Variants in NAV2 observed in about 807,000 individuals in gnomAD.
NAV2 encodes the protein helicase, APC down-regulated 1.
In NAV2, 54 loss-of-function variants were observed where a neutral mutation model predicts 223.2. The observed-to-expected ratio is 0.24, with a 90% CI of 0.19 to 0.30. NAV2 has a LOEUF of 0.30. NAV2 is among the 10% of genes least tolerant of loss of function. The pLI is 1.00. For missense variants in NAV2, 2,806 were observed against 3,147.5 expected (o/e 0.89, Z 2.60); for synonymous variants, 1,279 against 1,239.3 (o/e 1.03, Z -0.67).
intron 5 of NAV2, among the ~76,000 whole-genome samples, chr11:19,890,999 C>G (rs2041457584): frequency 6.6e-6 from 1 of 152,186 alleles, no homozygotes; most frequent in African/African-American, 2.4e-5. Context: ...TCTCCCAGCT[C>G]CCAGTCAGGG....
chr11:20,009,474 T>C (rs1302540745), intron 11 of NAV2, among the ~76,000 whole-genome samples: 4 of 152,134 alleles, frequency 2.6e-5, no homozygotes, highest in African/African-American at 9.7e-5. Flanking sequence ...TTCCATGGGG[T>C]GGACATCATA....
chr11:19,712,832 A>T (rs561221001), upstream of NAV2, among the ~76,000 whole-genome samples: 3,833 of 151,460 alleles, frequency 0.025, 172 homozygotes, highest in African/African-American at 0.088. Context: ...CGCCGGCAGC[A>T]GCCTGTCCTC....
intron 6 of NAV2, among the ~76,000 whole-genome samples, chr11:19,920,593 A>T (rs1352134169): frequency 1.3e-5 from 2 of 152,178 alleles, no homozygotes; most frequent in African/African-American, 4.8e-5. Context: ...GGCTAAATGA[A>T]ATTATTTAAA....
upstream of NAV2, among the ~76,000 whole-genome samples, chr11:19,347,695 A>G (rs370803532): frequency 3.9e-5 from 6 of 152,302 alleles, no homozygotes; most frequent in East Asian, 5.8e-4. Context: ...CTTATGACAC[A>G]GAGAGGAGAA....
intron 1 of NAV2, among the ~76,000 whole-genome samples, chr11:19,623,486 ACTTCT>A (rs2047071088): frequency 6.6e-6 from 1 of 151,842 alleles, no homozygotes; most frequent in Admixed American, 6.6e-5. Flanking sequence ...TTTTCTCTAA[ACTTCT>A]CTTCTCACTT....
intron 11 of NAV2, among the ~76,000 whole-genome samples, chr11:19,989,527 C>T (rs2051123645): frequency 6.6e-6 from 1 of 152,034 alleles, no homozygotes; most frequent in African/African-American, 2.4e-5. Context: ...TTGTTTTTAG[C>T]TACTAAGTTT....
At chr11:19,649,245 T>C (rs1340572031) in intron 1 of NAV2, among the ~76,000 whole-genome samples, 1 of 152,262 alleles carries the variant, frequency 6.6e-6, no homozygotes, top group Non-Finnish European at 1.5e-5. Flanking sequence ...TATTTGCATC[T>C]GGTTAGTGGG....
chr11:19,704,603 G>A (rs563229760), intron 1 of NAV2, among the ~76,000 whole-genome samples: 9 of 152,328 alleles, frequency 5.9e-5, no homozygotes, highest in African/African-American at 2.2e-4. Flanking sequence ...AATCATGTAT[G>A]TAAAATGCTT....
At chr11:19,958,184 G>A (rs1036898024) in intron 10 of NAV2, among the ~76,000 whole-genome samples, 1 of 152,212 alleles carries the variant, frequency 6.6e-6, no homozygotes, top group Non-Finnish European at 1.5e-5. Context: ...AAAGCACAGG[G>A]TCTTCTGGCC....
At chr11:19,896,110 A>C (rs2041963875) in intron 6 of NAV2, among the ~76,000 whole-genome samples, 1 of 152,098 alleles carries the variant, frequency 6.6e-6, no homozygotes, top group African/African-American at 2.4e-5. Context: ...TCAGACTCTG[A>C]CTGTGTCAGG....
At chr11:19,945,407 C>G (rs1286488380) in intron 8 of NAV2, among the ~76,000 whole-genome samples, 3 of 151,624 alleles carry the variant, frequency 2.0e-5, no homozygotes, top group African/African-American at 7.3e-5. Context: ...TCCCTTCACT[C>G]TCTGTTACCC....
intron 19 of NAV2, among the ~76,000 whole-genome samples, chr11:20,060,254 GC>G (rs1198318040): frequency 6.6e-6 from 1 of 152,266 alleles, no homozygotes; most frequent in African/African-American, 2.4e-5. Flanking sequence ...GGCCAGTCAT[GC>G]AAGTGTGTGT....
At position 19,964,809 on chromosome 11, in the gene NAV2, C is replaced by CTTTTTTTTTT. The variant is rs71050695; in HGVS notation, c.2645+15747_2645+15756dup. ...AGCCACCACAGCTGGCCTCATTCTA[C>CTTTTTTTTTT]TTTTTTTTTTTTTTTTTTTTTTTTT... On this transcript the variant is annotated intron_variant, in intron 10 of 37. Coordinates refer to ENST00000349880, the MANE Select transcript of NAV2 (RefSeq NM_145117.5). Among the ~76,000 whole-genome samples, 8 of 57,550 alleles carry CTTTTTTTTTT rather than the reference C, an allele frequency of 1.4e-4. 1 individual carries two copies. Among genetic ancestry groups the CTTTTTTTTTT allele is most frequent in the Non-Finnish European group, 2.3e-4 (7 of 31,090 alleles). The allele number at this position is 57,550 out of a possible 152,430, so 37.8% of individuals were successfully genotyped here.
intron 11 of NAV2, among the ~76,000 whole-genome samples, chr11:20,018,777 C>T (rs1164470873): frequency 6.6e-6 from 1 of 152,120 alleles, no homozygotes; most frequent in African/African-American, 2.4e-5. Flanking sequence ...CTGGTTGATG[C>T]CATGAAGAAA....
intron 1 of NAV2, among the ~76,000 whole-genome samples, chr11:19,821,695 TTGCTTTG>T (rs1376309203): frequency 6.6e-6 from 1 of 152,242 alleles, no homozygotes; most frequent in Non-Finnish European, 1.5e-5. Flanking sequence ...GAAACTATGT[TTGCTTTG>T]TGCTTTGGTG....
intron 24 of NAV2, among the ~76,000 whole-genome samples, chr11:20,078,710 G>A (rs773810439): frequency 6.6e-6 from 1 of 152,114 alleles, no homozygotes; most frequent in Non-Finnish European, 1.5e-5. Flanking sequence ...CGCTCACCTC[G>A]GCCTCCGAAA....
chr11:19,432,196 CCAA>C (rs1851062364), intron 1 of NAV2, among the ~76,000 whole-genome samples: 1 of 52,266 alleles, frequency 1.9e-5, no homozygotes, highest in African/African-American at 5.7e-5. Flanking sequence ...AAAACTCCGA[CCAA>C]AAAAAAAAAA....
intron 1 of NAV2, among the ~76,000 whole-genome samples, chr11:19,743,487 C>T (rs1252453647): frequency 1.3e-5 from 2 of 152,214 alleles, no homozygotes; most frequent in East Asian, 1.9e-4. Flanking sequence ...TGGGTCTTGC[C>T]TGCAGTCTGC....
At position 20,091,158 on chromosome 11, in the gene NAV2, C is replaced by G. The variant is rs1018534800; in HGVS notation, c.5652+140C>G. On this transcript the variant is annotated intron_variant, in intron 27 of 37. Coordinates refer to ENST00000349880, the MANE Select transcript of NAV2 (RefSeq NM_145117.5). ...CCCAGCCTTTATCTCTTTTCAGTCC[C>G]TCCCACACATTGCTCAAAGACCCAG... 5.3e-6 allele frequency: 4 copies of G among 755,110 alleles called. No homozygotes were observed. The Admixed American group carries it at 1.1e-4, about 21-fold the overall frequency. The allele number at this position is 755,110 out of a possible 1,614,324, so 46.8% of individuals were successfully genotyped here. A position where few individuals can be genotyped will look rare whatever the true frequency, so the allele number is the denominator to read the frequency against.
Sources: gnomAD v4.1 joint callset for allele counts (sites outside exome capture counted in the v4.1 genomes callset) on GRCh38, gnomAD v4.1.1 for gene constraint, MANE v1.5 for transcripts, NCBI Gene and HGNC (gene_info 2026-07-23, HGNC 2026-07-21) for gene names.